KIAA1217: variants seen among roughly 807,000 people sequenced by gnomAD.
KIAA1217 encodes KIAA1217, also known as sickle tail protein homolog.
A neutral mutation model predicts 163.9 loss-of-function variants in KIAA1217; 88 were observed. The observed-to-expected ratio is 0.54, with a 90% CI of 0.45 to 0.64. The LOEUF (loss-of-function observed/expected upper bound fraction) is 0.64. Ranked by LOEUF, KIAA1217 falls within the 30% of genes least tolerant of loss-of-function variation. KIAA1217 has a pLI of 0.00. For missense variants in KIAA1217, 2,372 were observed against 2,475.0 expected (o/e 0.96, Z 0.88); for synonymous variants, 903 against 923.1 (o/e 0.98, Z 0.39).
Position 23,790,352 on chromosome 10 carries a change from TATATGC to T in KIAA1217, c.-321+95123_-321+95128del, listed in dbSNP as rs1835773153. Among the ~76,000 whole-genome samples, 2 of 37,084 alleles carry T rather than the reference TATATGC, an allele frequency of 5.4e-5. 1 individual carries two copies. Among genetic ancestry groups the T allele is most frequent in the African/African-American group, 2.5e-4 (2 of 7,918 alleles). 24.3% of individuals were successfully genotyped at this position (37,084 alleles called of 152,430 possible). A position where few individuals can be genotyped will look rare whatever the true frequency, so the allele number is the denominator to read the frequency against. ...GCATATATGCATATATACATATGCATATATGCATATATACATATACATATGTATATA... is the reference window on the plus strand; with the variant it reads ...GCATATATGCATATATACATATGCATATATATACATATACATATGTATATA... On this transcript the variant is annotated intron_variant, in intron 1 of 18. Coordinates refer to the KIAA1217 transcript ENST00000376462.
chr10:24,536,997 TTC>T (rs980608997), intron 17 of KIAA1217, 104 bp downstream of exon 17: 10 of 1,361,424 alleles, frequency 7.3e-6, no homozygotes, highest in Middle Eastern at 2.6e-4. Flanking sequence ...TCTGTCTTTT[TTC>T]TCTCTCTTTT....
At chr10:24,488,243 A>C (rs1207882965) in intron 6 of KIAA1217, among the ~76,000 whole-genome samples, 1 of 152,072 alleles carries the variant, frequency 6.6e-6, no homozygotes, top group Non-Finnish European at 1.5e-5. Flanking sequence ...AGGGGTTGTA[A>C]GTATGGATGT....
chr10:23,906,587 G>A (rs1842172160), intron 1 of KIAA1217, among the ~76,000 whole-genome samples: 1 of 152,060 alleles, frequency 6.6e-6, no homozygotes, highest in Admixed American at 6.6e-5. Flanking sequence ...ACTGTGTCTA[G>A]GAAAATAGTT....
chr10:24,515,085 G>T (rs983210420), intron 10 of KIAA1217, among the ~76,000 whole-genome samples: 2 of 151,620 alleles, frequency 1.3e-5, no homozygotes, highest in African/African-American at 4.8e-5. Flanking sequence ...AAATTTTTTT[G>T]AGTTGGAGTC....
intron 1 of KIAA1217, among the ~76,000 whole-genome samples, chr10:23,998,927 G>C (rs1260039823): frequency 1.3e-5 from 2 of 151,966 alleles, no homozygotes; most frequent in Non-Finnish European, 2.9e-5. Context: ...AAGACAGAAA[G>C]AAGGCATTGT....
intron 1 of KIAA1217, among the ~76,000 whole-genome samples, chr10:23,811,034 G>A (rs1837017833): frequency 1.6e-5 from 2 of 124,524 alleles, no homozygotes; most frequent in African/African-American, 3.1e-5. Context: ...TATATGATAT[G>A]TATACAATAT....
At chr10:24,260,085 G>C (rs943392126) in intron 2 of KIAA1217, among the ~76,000 whole-genome samples, 4 of 152,176 alleles carry the variant, frequency 2.6e-5, no homozygotes, top group Admixed American at 2.6e-4. Context: ...AAGCATAAAG[G>C]TTTAAGTTTT....
At chr10:24,181,159 A>G (rs1333912360) in intron 2 of KIAA1217, among the ~76,000 whole-genome samples, 1 of 152,232 alleles carries the variant, frequency 6.6e-6, no homozygotes, top group African/African-American at 2.4e-5. Context: ...AGTTTGGAAG[A>G]CAGACAATGA....
In KIAA1217 at chr10:24,454,868, A is replaced by G. The variant is rs546009160; in HGVS notation, c.846+16389A>G. ...AGCAGCTGTGTAACTGCAAGGAAAA[A>G]AAAAAAAATCTGCTCCACTGCAACA... On this transcript the variant is annotated intron_variant, in intron 5 of 20. Coordinates refer to ENST00000376454, the MANE Select transcript of KIAA1217 (RefSeq NM_019590.5). Among the ~76,000 whole-genome samples, 506 of 152,288 alleles carry G rather than the reference A, an allele frequency of 3.3e-3. 6 individuals carry two copies. Among genetic ancestry groups the G allele is most frequent in the African/African-American group, 0.012 (482 of 41,562 alleles).
intron 1 of KIAA1217, among the ~76,000 whole-genome samples, chr10:24,004,136 C>T (rs1045555204): frequency 5.9e-5 from 9 of 152,028 alleles, no homozygotes; most frequent in Non-Finnish European, 1.3e-4. Flanking sequence ...CACACCACCA[C>T]GCCTGGCTAA....
chr10:24,101,768 C>T (rs1387911455), intron 2 of KIAA1217, among the ~76,000 whole-genome samples: 2 of 152,028 alleles, frequency 1.3e-5, no homozygotes, highest in Non-Finnish European at 2.9e-5. Context: ...TCATCTTGTG[C>T]TTTTCATTGT....
intron 2 of KIAA1217, among the ~76,000 whole-genome samples, chr10:24,139,763 G>A (rs760132231): frequency 4.3e-4 from 66 of 152,080 alleles, no homozygotes; most frequent in Non-Finnish European, 9.0e-4. Context: ...ACTTATCCAT[G>A]GGGAATACAT....
At position 24,543,573 on chromosome 10, in the gene KIAA1217, G is replaced by A; in HGVS notation, c.4303G>A (p.Val1435Ile). The A allele has an allele frequency of 6.2e-7, 1 of 1,614,148 alleles. No individual in the cohort carries two copies. The highest frequency in any genetic ancestry group is 2.2e-5 in the East Asian group (1 of 44,868). ...AGAAGGGACTGACAATGAGGATCCA[G>A]TCGTGTGCCTGGACAAGAAACCAGT... ...RQEGTDNEDP[V>I]VCLDKKPVII... The change falls in exon 19 of 21, where the codon GTC becomes ATC. Residue 1435 changes from valine to isoleucine, a missense_variant. By Grantham distance (29) the Val-to-Ile change is conservative (BLOSUM62 3). Transcript: ENST00000376454.
chr10:23,941,628 C>T (rs1007855012), intron 1 of KIAA1217, among the ~76,000 whole-genome samples: 2 of 152,072 alleles, frequency 1.3e-5, no homozygotes, highest in Non-Finnish European at 2.9e-5. Context: ...GTAGAGTGCA[C>T]ATATTTGCAT....
intron 2 of KIAA1217, among the ~76,000 whole-genome samples, chr10:24,282,210 T>TG (rs2078025168): frequency 6.6e-6 from 1 of 150,610 alleles, no homozygotes; most frequent in African/African-American, 2.4e-5. Context: ...TACAAAATTT[T>TG]TTTTTCAAAA....
intron 2 of KIAA1217, among the ~76,000 whole-genome samples, chr10:24,119,508 G>A (rs952685161): frequency 6.6e-6 from 1 of 152,166 alleles, no homozygotes; most frequent in African/African-American, 2.4e-5. Context: ...ACGTCAAACT[G>A]CTAATATCTT....
intron 1 of KIAA1217, among the ~76,000 whole-genome samples, chr10:23,973,125 T>G (rs1845390896): frequency 6.6e-6 from 1 of 152,222 alleles, no homozygotes; most frequent in African/African-American, 2.4e-5. Context: ...TTTTTTCTCT[T>G]TCACTTCAAA....
chr10:24,076,877 CTTTT>C (rs10573976), intron 2 of KIAA1217, among the ~76,000 whole-genome samples: 22,984 of 140,922 alleles, frequency 0.16, 3,656 homozygotes, highest in African/African-American at 0.42. Flanking sequence ...TTATTTCCAT[CTTTT>C]TTTTTTTTTT....
At chr10:24,345,291 C>T (rs763574642) in intron 2 of KIAA1217, among the ~76,000 whole-genome samples, 4 of 152,192 alleles carry the variant, frequency 2.6e-5, no homozygotes, top group African/African-American at 4.8e-5. Flanking sequence ...AGTTCCCCTC[C>T]GCATGGAGCA....
Sources: allele counts gnomAD v4.1 joint callset (sites outside exome capture counted in the v4.1 genomes callset), GRCh38; gene constraint gnomAD v4.1.1; transcripts MANE v1.5; gene names NCBI Gene and HGNC (gene_info 2026-07-23, HGNC 2026-07-21).